Variants in STIMATE observed in about 807,000 individuals in gnomAD.
The protein encoded by STIMATE is store-operated calcium entry regulator STIMATE.
In STIMATE, 15 loss-of-function variants were observed where a neutral mutation model predicts 36.7. The observed-to-expected ratio is 0.41, with a 90% CI of 0.27 to 0.63. The LOEUF (loss-of-function observed/expected upper bound fraction) is 0.63, where lower values mean the gene tolerates loss of function less well. Among genes scored for constraint, STIMATE ranks in the 20% least tolerant of loss-of-function variants. The pLI, the probability that STIMATE is intolerant of heterozygous loss-of-function variation, is 0.32. For missense variants in STIMATE, 305 were observed against 397.3 expected (o/e 0.77, Z 1.98); for synonymous variants, 163 against 162.3 (o/e 1.00, Z -0.03).
intron 1 of STIMATE, among the ~76,000 whole-genome samples, chr3:52,874,704 TA>T (rs141850822): frequency 6.6e-6 from 1 of 151,766 alleles, no homozygotes; most frequent in South Asian, 2.1e-4. Context: ...CTACTGAAAA[TA>T]AAAAAATTAG....
intron 1 of STIMATE, among the ~76,000 whole-genome samples, chr3:52,886,759 G>C (rs888065252): frequency 6.6e-6 from 1 of 152,218 alleles, no homozygotes; most frequent in Non-Finnish European, 1.5e-5. Flanking sequence ...GAGAGCTGGA[G>C]GAGCAACCCT....
chr3:52,863,135 G>A (rs1200335970), intron 1 of STIMATE, among the ~76,000 whole-genome samples: 2 of 152,152 alleles, frequency 1.3e-5, no homozygotes, highest in Admixed American at 1.3e-4. Flanking sequence ...GGCATCTCTA[G>A]CAAACTAATA....
chr3:52,885,546 A>G (rs1416925083), intron 1 of STIMATE, among the ~76,000 whole-genome samples: 1 of 152,176 alleles, frequency 6.6e-6, no homozygotes, highest in Non-Finnish European at 1.5e-5. Flanking sequence ...TCCGTCCTGG[A>G]CGTAGTTCCA....
intron 1 of STIMATE, among the ~76,000 whole-genome samples, chr3:52,856,687 AAAAAGAAAAG>A (rs550155894): frequency 2.0e-5 from 3 of 151,912 alleles, no homozygotes; most frequent in Non-Finnish European, 2.9e-5. Flanking sequence ...CTACCTCAAA[AAAAAGAAAAG>A]AAAAGAAAAG....
intron 4 of STIMATE, chr3:52,847,183 A>C: frequency 9.8e-7 from 1 of 1,020,036 alleles, no homozygotes; most frequent in Non-Finnish European, 1.2e-6. Context: ...AGTGCTGGGA[A>C]TGACAGGTGT....
At chr3:52,866,282 C>T (rs1440028672) in intron 1 of STIMATE, among the ~76,000 whole-genome samples, 2 of 152,274 alleles carry the variant, frequency 1.3e-5, no homozygotes, top group South Asian at 2.1e-4. Flanking sequence ...ACAATTTGAT[C>T]GCTGAAGAGG....
At chr3:52,860,232 T>C (rs1287100080) in intron 1 of STIMATE, among the ~76,000 whole-genome samples, 2 of 151,870 alleles carry the variant, frequency 1.3e-5, no homozygotes, top group African/African-American at 2.4e-5. Flanking sequence ...ACAAAACCCT[T>C]GCCTTCATCA....
Position 52,850,475 on chromosome 3 carries a change from C to T in STIMATE, c.306-562G>A, listed in dbSNP as rs558901687. 4.6e-5 allele frequency among the ~76,000 whole-genome samples: 7 copies of T among 151,672 alleles called. No homozygotes were observed. The South Asian group carries it at 1.0e-3, about 23-fold the overall frequency. ...AAAACCTGCCAGTGCTTCTGCCAGG[C>T]GAAGGTTCAATGGAAGACAGAGTAC... On this transcript the variant is annotated intron_variant, in intron 3 of 7. Transcript: ENST00000355083.
intron 1 of STIMATE, among the ~76,000 whole-genome samples, chr3:52,894,841 A>G (rs1701838755): frequency 6.6e-6 from 1 of 152,250 alleles, no homozygotes; most frequent in African/African-American, 2.4e-5. Flanking sequence ...AAGGGAAAAG[A>G]CTGTGATCTC....
intron 1 of STIMATE, among the ~76,000 whole-genome samples, chr3:52,889,497 C>G (rs940288886): frequency 1.3e-5 from 2 of 152,220 alleles, no homozygotes; most frequent in Admixed American, 1.3e-4. Flanking sequence ...ACCACACTGC[C>G]TAGCTCTACC....
chr3:52,850,357 G>A (rs1043382643), intron 3 of STIMATE, among the ~76,000 whole-genome samples: 1 of 152,136 alleles, frequency 6.6e-6, no homozygotes, highest in South Asian at 2.1e-4. Context: ...ACTTGAACCC[G>A]GGAGGTGGAG....
At chr3:52,869,262 C>T (rs917342755) in intron 1 of STIMATE, among the ~76,000 whole-genome samples, 4 of 152,254 alleles carry the variant, frequency 2.6e-5, no homozygotes, top group African/African-American at 7.2e-5. Flanking sequence ...CACCCCGACA[C>T]TGGACCAGAG....
chr3:52,836,921 CA>C lies in STIMATE; in HGVS notation c.*3572del, dbSNP rs1350853739. ...TTCCTTGCATAGGTCTGACTTCTAA[CA>C]AACTTCAGGAAAAGAAAAATCAAAT... is the stretch of plus-strand genomic sequence containing the variant. On this transcript the variant is annotated 3_prime_UTR_variant, in exon 8 of 8. Coordinates refer to ENST00000355083, the MANE Select transcript of STIMATE (RefSeq NM_198563.5). 5.6e-6 allele frequency: 1 copy of C among 179,826 alleles called. No homozygotes were observed. Among genetic ancestry groups the C allele is most frequent in the Non-Finnish European group, 1.2e-5 (1 of 83,726 alleles). 11.1% of individuals were successfully genotyped at this position (179,826 alleles called of 1,614,324 possible).
At chr3:52,865,411 T>C (rs991431335) in intron 1 of STIMATE, among the ~76,000 whole-genome samples, 1 of 152,310 alleles carries the variant, frequency 6.6e-6, no homozygotes, top group East Asian at 1.9e-4. Context: ...ATTTACAGTA[T>C]GATAAAGATG....
intron 6 of STIMATE, chr3:52,843,213 G>C (rs1165690439): frequency 1.6e-5 from 10 of 620,528 alleles, no homozygotes; most frequent in Non-Finnish European, 2.1e-5. Context: ...TAACTAGGGG[G>C]AACAGCCTGT....
chr3:52,843,479 C>G (rs371784745), intron 6 of STIMATE, among the ~76,000 whole-genome samples: 1 of 152,192 alleles, frequency 6.6e-6, no homozygotes, highest in East Asian at 1.9e-4. Flanking sequence ...GGAGGCCCCT[C>G]GGCAGGGAGG....
chr3:52,881,266 T>C lies in STIMATE; in HGVS notation c.160+16025A>G, dbSNP rs568223755. Among the ~76,000 whole-genome samples the C allele has an allele frequency of 1.7e-4, 25 of 149,916 alleles. No homozygotes were observed. In the South Asian group the frequency reaches 2.3e-3, roughly 14 times the overall value. On this transcript the variant is annotated intron_variant, in intron 1 of 7. Coordinates refer to ENST00000355083, the MANE Select transcript of STIMATE (RefSeq NM_198563.5). ...GTAGGCTTGCTAAGGGTAAGGCACA[T>C]ATGCAATTAAACATAATAGAAAATG...
At chr3:52,851,596 T>C (rs1043824989) in intron 3 of STIMATE, among the ~76,000 whole-genome samples, 2 of 152,230 alleles carry the variant, frequency 1.3e-5, no homozygotes, top group African/African-American at 4.8e-5. Flanking sequence ...AGACCAGAGA[T>C]GGCAGGAGCA....
At chr3:52,874,475 G>C (rs923336686) in intron 1 of STIMATE, among the ~76,000 whole-genome samples, 3 of 152,172 alleles carry the variant, frequency 2.0e-5, no homozygotes, top group Non-Finnish European at 4.4e-5. Context: ...CTAGAGGATG[G>C]ACTTACAGTG....
Sources: gnomAD v4.1 joint callset for allele counts (sites outside exome capture counted in the v4.1 genomes callset) on GRCh38, gnomAD v4.1.1 for gene constraint, MANE v1.5 for transcripts, NCBI Gene and HGNC (gene_info 2026-07-23, HGNC 2026-07-21) for gene names.